The following ALDH4A1 variants were observed in gnomAD, a reference collection of about 807,000 sequenced individuals.
The protein encoded by ALDH4A1 is delta-1-pyrroline-5-carboxylate dehydrogenase, mitochondrial.
ALDH4A1 carries 46 observed loss-of-function variants against 70.5 expected under a neutral mutation model. That is an observed-to-expected ratio of 0.65 (90% CI 0.51 to 0.83). The LOEUF (loss-of-function observed/expected upper bound fraction) is 0.83. ALDH4A1 is among the 40% of genes least tolerant of loss of function. The pLI, the probability that ALDH4A1 is intolerant of heterozygous loss-of-function variation, is 0.00. For missense variants in ALDH4A1, 749 were observed against 766.5 expected (o/e 0.98, Z 0.27); for synonymous variants, 323 against 324.3 (o/e 1.00, Z 0.04).
chr1:18,884,235 G>A (rs374159529), intron 5 of ALDH4A1, among the ~76,000 whole-genome samples: 15 of 152,162 alleles, frequency 9.9e-5, no homozygotes, highest in Non-Finnish European at 1.9e-4. Context: ...CAGAGCTGAC[G>A]CCCACCCCAG....
chr1:18,883,992 G>A (rs1007323322), intron 5 of ALDH4A1, among the ~76,000 whole-genome samples: 1 of 152,204 alleles, frequency 6.6e-6, no homozygotes, highest in Admixed American at 6.5e-5. Flanking sequence ...TGAGCTGCAG[G>A]GAAAAGAACT....
At position 18,885,453 on chromosome 1, in the gene ALDH4A1, C is replaced by A. The variant is rs1406816149; in HGVS notation, c.453+20G>T. 3 of 1,459,138 alleles carry A rather than the reference C, an allele frequency of 2.1e-6. No individual in the cohort carries two copies. The Admixed American group carries it at 6.1e-5, about 29-fold the overall frequency. The allele number at this position is 1,459,138 out of a possible 1,614,324, so 90.4% of individuals were successfully genotyped here. On this transcript the variant is annotated intron_variant, in intron 5 of 14. Coordinates refer to ENST00000375341, the MANE Select transcript of ALDH4A1 (RefSeq NM_003748.4). ...CCCACCCCACCCCGCCCCACCCACC[C>A]GGGCCCACCAGCACCTCACCTGTCC...
chr1:18,877,060 G>C (rs1002140257), intron 11 of ALDH4A1, 148 bp downstream of exon 11: 4 of 988,378 alleles, frequency 4.0e-6, no homozygotes, highest in Non-Finnish European at 6.1e-6. Flanking sequence ...TCTGAAGCTG[G>C]AGGTGCGTGT....
chr1:18,875,790 C>T (rs1039528415), intron 12 of ALDH4A1, among the ~76,000 whole-genome samples: 2 of 152,192 alleles, frequency 1.3e-5, no homozygotes, highest in Non-Finnish European at 2.9e-5. Context: ...GTCCAGGTCC[C>T]AGAGGCTTCC....
chr1:18,877,318 T>TC (rs1934743812), intron 10 of ALDH4A1, 63 bp from the exon 11 acceptor site: 1 of 1,563,034 alleles, frequency 6.4e-7, no homozygotes, highest in African/African-American at 1.4e-5. Flanking sequence ...GGGAGACCCC[T>TC]CCCCGCACAC....
At chr1:18,877,088 T>C (rs1400743404) in intron 11 of ALDH4A1, 120 bp downstream of exon 11, 7 of 1,299,894 alleles carry the variant, frequency 5.4e-6, no homozygotes, top group Non-Finnish European at 7.6e-6. Context: ...CTGAGCTGCC[T>C]TGATCAAAGC....
At position 18,876,440 on chromosome 1, in the gene ALDH4A1, C is replaced by A; in HGVS notation, c.1213G>T (p.Glu405Ter). 2 of 1,604,726 alleles carry A rather than the reference C, an allele frequency of 1.2e-6. No individual in the cohort carries two copies. The highest frequency in any genetic ancestry group is 1.7e-6 in the Non-Finnish European group (2 of 1,176,694). Reference sequence around the variant, plus strand: ...AGGCTGGGTGAGGAGCGTGCGTGCTCCAGCCACTTCTTGATACGGGCAAAG... The same window carrying A: ...AGGCTGGGTGAGGAGCGTGCGTGCTACAGCCACTTCTTGATACGGGCAAAG... ...KSFARIKKWL[E>*]HARSSPSLTI... Residue 405 changes from glutamate (E) to a stop codon, truncating the protein, a stop_gained, in exon 12 of 15, where the codon GAG becomes TAG. Transcript: ENST00000375341. LOFTEE classifies it high-confidence loss of function.
chr1:18,884,336 A>G (rs1935108285), intron 5 of ALDH4A1, among the ~76,000 whole-genome samples: 1 of 151,766 alleles, frequency 6.6e-6, no homozygotes, highest in Admixed American at 6.6e-5. Context: ...CACCATGGGG[A>G]CCGAGGAGCA....
Position 18,875,492 on chromosome 1 carries a change from C to A in ALDH4A1, c.1350G>T (p.Gly450=), listed in dbSNP as rs758680695. The part of the protein sequence containing the change: ...QEPIMKEEIF[G]PVLSVYVYPD... ...GGTAGACGTACACAGACAGTACAGG[C>A]CCGAAGATCTCCTAGGAGAGAGGCC... is the stretch of plus-strand genomic sequence containing the variant. The change falls in exon 13 of 15, where the codon GGG becomes GGT. Residue 450 remains glycine (G), a synonymous_variant. Coordinates refer to ENST00000375341, the MANE Select transcript of ALDH4A1 (RefSeq NM_003748.4). The A allele has an allele frequency of 3.1e-6, 5 of 1,613,984 alleles. No individual in the cohort carries two copies. Among genetic ancestry groups the A allele is most frequent in the South Asian group, 2.2e-5 (2 of 91,082 alleles).
At chr1:18,893,616 C>T (rs1255250138) in intron 1 of ALDH4A1, among the ~76,000 whole-genome samples, 1 of 152,156 alleles carries the variant, frequency 6.6e-6, no homozygotes, top group Non-Finnish European at 1.5e-5. Flanking sequence ...AATTCTCCTG[C>T]CTCAGCCTCC....
intron 2 of ALDH4A1, 89 bp from the exon 3 acceptor site, chr1:18,889,543 G>T: frequency 3.3e-6 from 4 of 1,212,896 alleles, no homozygotes; most frequent in African/African-American, 1.5e-5. Context: ...AGACGGAGGT[G>T]CCCAGGCAAT....
At chr1:18,877,063 G>T in intron 11 of ALDH4A1, 145 bp downstream of exon 11, 2 of 1,003,646 alleles carry the variant, frequency 2.0e-6, no homozygotes, top group South Asian at 1.5e-5. Context: ...GAAGCTGGAG[G>T]TGCGTGTGTG....
At chr1:18,885,275 G>C in intron 5 of ALDH4A1, 198 bp downstream of exon 5, 1 of 620,372 alleles carries the variant, frequency 1.6e-6, no homozygotes, top group Non-Finnish European at 2.9e-6. Flanking sequence ...GGACACATGG[G>C]CTCTGCACAA....
chr1:18,895,271 T>C (rs571699814), intron 1 of ALDH4A1, among the ~76,000 whole-genome samples: 1 of 152,288 alleles, frequency 6.6e-6, no homozygotes, highest in South Asian at 2.1e-4. Context: ...TCCCTGAAAA[T>C]CTGCAGTGCC....
intron 9 of ALDH4A1, 138 bp downstream of exon 9, chr1:18,879,162 T>C: frequency 2.5e-6 from 2 of 808,900 alleles, no homozygotes; most frequent in Non-Finnish European, 4.1e-6. Flanking sequence ...CAAAAAGTTC[T>C]ACTGGGCAGT....
At chr1:18,894,670 T>C (rs1935554624) in intron 1 of ALDH4A1, among the ~76,000 whole-genome samples, 1 of 152,202 alleles carries the variant, frequency 6.6e-6, no homozygotes, top group South Asian at 2.1e-4. Context: ...ATGCCCACTG[T>C]GACCTCAGGA....
chr1:18,877,265 A>C lies in ALDH4A1; in HGVS notation c.1138-10T>G. On this transcript the variant is annotated splice_polypyrimidine_tract_variant and intron_variant, in intron 10 of 14. Transcript: ENST00000375341. ...CAAAATCCTCTGCAGGCTGGAGGCA[A>C]GGGAGGCGCCAGAAGAGACGAGTCA... 6.2e-7 allele frequency: 1 copy of C among 1,602,546 alleles called. No homozygotes were observed.
chr1:18,883,435 G>A lies in ALDH4A1; in HGVS notation c.454-7C>T. ...CTTGGATCACGGTCTTACCCTGCAA[G>A]GCAGAGGGCCGGGGGTCAGGAGCAG... On this transcript the variant is annotated splice_polypyrimidine_tract_variant and splice_region_variant and intron_variant, in intron 5 of 14. Transcript: ENST00000375341. 6.2e-7 allele frequency: 1 copy of A among 1,613,182 alleles called. No individual in the cohort carries two copies. Among genetic ancestry groups the A allele is most frequent in the South Asian group, 1.1e-5 (1 of 91,082 alleles).
chr1:18,901,508 C>T (rs2100622411), intron 1 of ALDH4A1, among the ~76,000 whole-genome samples: 1 of 152,322 alleles, frequency 6.6e-6, no homozygotes, highest in East Asian at 1.9e-4. Context: ...GGGTCTGTGT[C>T]CCACCTACCT....
Sources: allele counts gnomAD v4.1 joint callset (sites outside exome capture counted in the v4.1 genomes callset), GRCh38; gene constraint gnomAD v4.1.1; transcripts MANE v1.5; gene names NCBI Gene and HGNC (gene_info 2026-07-23, HGNC 2026-07-21).